The following TLR5 variants were observed in gnomAD, a reference collection of about 807,000 sequenced individuals.
TLR5 encodes toll-like receptor 5.
For synonymous variants in TLR5, 373 were observed against 384.4 expected (o/e 0.97, Z 0.35); for missense variants, 944 against 999.8 (o/e 0.94, Z 0.75).
chr1:223,131,915 T>C lies in TLR5; in HGVS notation c.-5+560A>G, dbSNP rs1255199155. ...TCTTTATCTCCGTCCCCTGGTATTC[T>C]GGGTACATTTCCATCATGGCATTTT... On this transcript the variant is annotated intron_variant, in intron 5 of 5. Coordinates refer to ENST00000642603, the MANE Select transcript of TLR5 (RefSeq NM_003268.6). This position sits in a 1 kb window ranked among gnomAD's most constrained non-coding sequence, Gnocchi z 4.2. Among the ~76,000 whole-genome samples the C allele has an allele frequency of 6.6e-6, 1 of 152,004 alleles. No individual in the cohort carries two copies. Among genetic ancestry groups the C allele is most frequent in the Admixed American group, 6.5e-5 (1 of 15,268 alleles).
At position 223,131,625 on chromosome 1, in the gene TLR5, G is replaced by A. The variant is rs559903782; in HGVS notation, c.-5+850C>T. On this transcript the variant is annotated intron_variant, in intron 5 of 5. Coordinates refer to ENST00000642603, the MANE Select transcript of TLR5 (RefSeq NM_003268.6). This position sits in a 1 kb window ranked among gnomAD's most constrained non-coding sequence, Gnocchi z 4.2. ...GTTACCCAGGCTAGAGTGCAGTGGT[G>A]CAATCAGGGCTTACTGCAGCCACAA... is the stretch of plus-strand genomic sequence containing the variant. 6.6e-6 allele frequency among the ~76,000 whole-genome samples: 1 copy of A among 152,300 alleles called. No individual in the cohort carries two copies. The highest frequency in any genetic ancestry group is 2.1e-4 in the South Asian group (1 of 4,828).
At position 223,110,641 on chromosome 1, in the gene TLR5, C is replaced by G. The variant is rs1656269133; in HGVS notation, c.2391G>C (p.Gln797His). ...TGGATTGATGTTTCATCAACTGGTACTGGGACAAGGACCCAACCACCACCA... is the reference window on the plus strand; with the variant it reads ...TGGATTGATGTTTCATCAACTGGTAGTGGGACAAGGACCCAACCACCACCA... ...LIMVVVGSLS[Q>H]YQLMKHQSIR... is the part of the protein sequence containing the mutation. Residue 797 changes from glutamine to histidine, a missense_variant, in exon 6 of 6, where the codon CAG becomes CAC. Coordinates refer to ENST00000642603, the MANE Select transcript of TLR5 (RefSeq NM_003268.6). The G allele has an allele frequency of 6.2e-7, 1 of 1,614,080 alleles. No homozygotes were observed.
chr1:223,112,860 T>TA lies in TLR5; in HGVS notation c.171dup (p.Ile58TyrfsTer30). On this transcript the variant is annotated frameshift_variant, in exon 6 of 6. Transcript: ENST00000642603. LOFTEE classifies it low-confidence loss of function (END_TRUNC). ...AAGGATGAAGCAGTGACTGTCCTGA[T>TA]ATAGTTGAAGCTCAGCAGGAGCCTC... is the stretch of plus-strand genomic sequence containing the variant. 1 of 1,613,954 alleles carries TA rather than the reference T, an allele frequency of 6.2e-7. No individual in the cohort carries two copies.
chr1:223,124,276 C>A lies in TLR5; in HGVS notation c.-5+8199G>T, dbSNP rs184107880. Among the ~76,000 whole-genome samples the A allele has an allele frequency of 1.6e-3, 240 of 152,070 alleles. 1 individual carries two copies. The highest frequency in any genetic ancestry group is 5.5e-3 in the African/African-American group (227 of 41,478). ...CTGGACAACACGGTGAAACCTATCTCTATTAAAAATTCAAAAATTAGCTGT... is the reference window on the plus strand; with the variant it reads ...CTGGACAACACGGTGAAACCTATCTATATTAAAAATTCAAAAATTAGCTGT... On this transcript the variant is annotated intron_variant, in intron 5 of 5. Transcript: ENST00000642603.
At chr1:223,120,844 G>A (rs1656921813) in intron 5 of TLR5, among the ~76,000 whole-genome samples, 1 of 152,236 alleles carries the variant, frequency 6.6e-6, no homozygotes, top group South Asian at 2.1e-4. Context: ...CACTTGGGGA[G>A]GCCAAGGCAG....
rs1202621593 is a variant in TLR5 at position 223,112,015 on chromosome 1, T to C, written c.1017A>G (p.Gln339=). 1.2e-6 allele frequency: 2 copies of C among 1,614,174 alleles called. No individual in the cohort carries two copies. Among genetic ancestry groups the C allele is most frequent in the African/African-American group, 1.3e-5 (1 of 75,050 alleles). Residue 339 remains glutamine (Q), a synonymous_variant, in exon 6 of 6, where the codon CAA becomes CAG. Coordinates refer to ENST00000642603, the MANE Select transcript of TLR5 (RefSeq NM_003268.6). ...DEAFYGLDNL[Q]VLNLSYNLLG... ...GAAGGTTATATGACAAATTGAGAAC[T>C]TGGAGGTTGTCAAGTCCGTAAAATG...
chr1:223,122,142 G>A (rs1177704046), intron 5 of TLR5, among the ~76,000 whole-genome samples: 1 of 152,190 alleles, frequency 6.6e-6, no homozygotes, highest in Non-Finnish European at 1.5e-5. Flanking sequence ...CATGGGAGGT[G>A]CTCTGCTCTG....
chr1:223,139,584 G>A (rs1657754167), intron 2 of TLR5, among the ~76,000 whole-genome samples: 1 of 152,204 alleles, frequency 6.6e-6, no homozygotes, highest in African/African-American at 2.4e-5. Flanking sequence ...GGACAAAGGA[G>A]AAGAGAGAGC....
In TLR5 at chr1:223,110,421, G is replaced by A. The variant is rs764529751; in HGVS notation, c.*34C>T. On this transcript the variant is annotated 3_prime_UTR_variant, in exon 6 of 6. Transcript: ENST00000642603. ...GCAAATACAAAGTGAAGAGTTATTT[G>A]TGGCTTGAGATAAGTTGGAAATTGC... is the stretch of plus-strand genomic sequence containing the variant. 6.2e-7 allele frequency: 1 copy of A among 1,609,924 alleles called. No individual in the cohort carries two copies. Among genetic ancestry groups the A allele is most frequent in the Non-Finnish European group, 8.5e-7 (1 of 1,177,250 alleles).
At chr1:223,123,421 AAAGT>A (rs924671670) in intron 5 of TLR5, 3 of 152,226 alleles carry the variant, frequency 2.0e-5, no homozygotes, top group African/African-American at 7.2e-5. Flanking sequence ...AGCTAAAATG[AAAGT>A]AAGTAAGTAA....
chr1:223,127,743 C>T (rs188985889), intron 5 of TLR5: 54 of 152,410 alleles, frequency 3.5e-4, no homozygotes, highest in African/African-American at 1.2e-3. Flanking sequence ...TTCATCACTA[C>T]CTCTTCTTGC....
At chr1:223,113,594 TTC>T (rs1656478609) in intron 5 of TLR5, among the ~76,000 whole-genome samples, 1 of 152,120 alleles carries the variant, frequency 6.6e-6, no homozygotes, top group African/African-American at 2.4e-5. Flanking sequence ...ACTTAATCTT[TTC>T]TTTTAAAAAA....
At chr1:223,133,090 G>A (rs1657457725) in intron 4 of TLR5, among the ~76,000 whole-genome samples, 1 of 152,170 alleles carries the variant, frequency 6.6e-6, no homozygotes, top group Admixed American at 6.5e-5. Flanking sequence ...TTTCTAAGCG[G>A]TACATCTAGG....
In TLR5 at chr1:223,119,878, A is replaced by C. The variant is rs141871849; in HGVS notation, c.-4-6843T>G. On this transcript the variant is annotated intron_variant, in intron 5 of 5. Coordinates refer to ENST00000642603, the MANE Select transcript of TLR5 (RefSeq NM_003268.6). Reference sequence around the variant, plus strand: ...AGCATGAGAATCACTTGAACCCAGGAGGCAGAGGTTGCAGTAAGCCGAGAT... The same window carrying C: ...AGCATGAGAATCACTTGAACCCAGGCGGCAGAGGTTGCAGTAAGCCGAGAT... Among the ~76,000 whole-genome samples, 6 of 150,500 alleles carry C rather than the reference A, an allele frequency of 4.0e-5. No individual in the cohort carries two copies. In the East Asian group the frequency reaches 1.2e-3, roughly 29 times the overall value.
At chr1:223,133,529 G>A (rs1266816408) in intron 4 of TLR5, among the ~76,000 whole-genome samples, 1 of 152,172 alleles carries the variant, frequency 6.6e-6, no homozygotes, top group African/African-American at 2.4e-5. Flanking sequence ...GAGAACCTAA[G>A]AGTCTGTAAT....
At chr1:223,130,535 G>C (rs953005067) in intron 5 of TLR5, among the ~76,000 whole-genome samples, 1 of 152,194 alleles carries the variant, frequency 6.6e-6, no homozygotes, top group African/African-American at 2.4e-5. Context: ...GGGCCGGTCT[G>C]AGAAGGACTT....
chr1:223,109,900 C>T lies in TLR5; in HGVS notation c.*555G>A, dbSNP rs1033375065. On this transcript the variant is annotated 3_prime_UTR_variant, in exon 6 of 6. Transcript: ENST00000642603. ...CATGAAGTGCAGTACAGTCACAAGA[C>T]AGGTAGTGACTCATTCATCCCAGCT... 1.2e-5 allele frequency: 2 copies of T among 164,190 alleles called. No individual in the cohort carries two copies. Among genetic ancestry groups the T allele is most frequent in the African/African-American group, 4.8e-5 (2 of 41,498 alleles). 10.2% of individuals were successfully genotyped at this position (164,190 alleles called of 1,614,324 possible). A position where few individuals can be genotyped will look rare whatever the true frequency, so the allele number is the denominator to read the frequency against.
intron 3 of TLR5, among the ~76,000 whole-genome samples, chr1:223,135,891 C>T (rs1028206115): frequency 2.0e-5 from 3 of 152,182 alleles, no homozygotes; most frequent in African/African-American, 7.2e-5. Flanking sequence ...CTTATGTCTG[C>T]GGCTAGATAT....
At chr1:223,120,245 AC>A (rs1307518674) in intron 5 of TLR5, among the ~76,000 whole-genome samples, 1 of 152,082 alleles carries the variant, frequency 6.6e-6, no homozygotes, top group Non-Finnish European at 1.5e-5. Flanking sequence ...AGAGACATTT[AC>A]CATCTATTCT....
Sources: gnomAD v4.1 joint callset for allele counts (sites outside exome capture counted in the v4.1 genomes callset) on GRCh38, gnomAD v4.1.1 for gene constraint, Gnocchi (gnomAD v3.1) non-coding constraint, MANE v1.5 for transcripts, NCBI Gene and HGNC (gene_info 2026-07-23, HGNC 2026-07-21) for gene names.